Variants in ZFAT observed in about 807,000 individuals in gnomAD.
The protein encoded by ZFAT is zinc finger protein ZFAT.
In ZFAT, 64 loss-of-function variants were observed where a neutral mutation model predicts 117.7. The observed-to-expected ratio is 0.54, with a 90% CI of 0.44 to 0.67. The LOEUF (loss-of-function observed/expected upper bound fraction) is 0.67. Ranked by LOEUF, ZFAT falls within the 30% of genes least tolerant of loss-of-function variation. The pLI is 0.00. For synonymous variants in ZFAT, 679 were observed against 615.0 expected (o/e 1.10, Z -1.54); for missense variants, 1,433 against 1,584.5 (o/e 0.90, Z 1.62).
At chr8:134,590,672 A>C (rs1041828262) in intron 7 of ZFAT, among the ~76,000 whole-genome samples, 7 of 147,854 alleles carry the variant, frequency 4.7e-5, no homozygotes, top group African/African-American at 1.5e-4. Flanking sequence ...CACCACCACA[A>C]CCAACACCAC....
At chr8:134,600,726 T>G in intron 6 of ZFAT, 58 bp from the exon 7 acceptor site, 1 of 1,329,798 alleles carries the variant, frequency 7.5e-7, no homozygotes, top group South Asian at 1.6e-5. Context: ...ATTTTGAATT[T>G]TTTAAATTAT....
At chr8:134,592,022 T>C (rs1047368693) in intron 7 of ZFAT, among the ~76,000 whole-genome samples, 9 of 152,074 alleles carry the variant, frequency 5.9e-5, no homozygotes, top group African/African-American at 2.2e-4. Context: ...GATAGGTGAA[T>C]AAAAAGTAAA....
At chr8:134,633,375 T>C (rs1256921944) in intron 3 of ZFAT, among the ~76,000 whole-genome samples, 2 of 152,246 alleles carry the variant, frequency 1.3e-5, no homozygotes, top group Non-Finnish European at 2.9e-5. Flanking sequence ...TCATTATTAG[T>C]CATTTAAGAT....
At chr8:134,680,772 C>T (rs1036263465) in intron 1 of ZFAT, among the ~76,000 whole-genome samples, 2 of 152,090 alleles carry the variant, frequency 1.3e-5, no homozygotes, top group African/African-American at 2.4e-5. Flanking sequence ...ATAATACTAA[C>T]GTACCTGATG....
intron 14 of ZFAT, chr8:134,510,203 TG>T (rs1319259102): frequency 6.6e-6 from 3 of 451,814 alleles, no homozygotes; most frequent in South Asian, 4.7e-5. Flanking sequence ...CATCCAAAGA[TG>T]TATCAATTAT....
At chr8:134,631,353 C>T (rs146515996) in intron 3 of ZFAT, among the ~76,000 whole-genome samples, 1 of 152,272 alleles carries the variant, frequency 6.6e-6, no homozygotes, top group African/African-American at 2.4e-5. Context: ...TGGAGAAAAT[C>T]TCCATCCATG....
chr8:134,546,049 T>C (rs1041906913), intron 11 of ZFAT, among the ~76,000 whole-genome samples: 1 of 152,206 alleles, frequency 6.6e-6, no homozygotes, highest in Non-Finnish European at 1.5e-5. Flanking sequence ...TGGTAGTTAT[T>C]ACTAACATTA....
chr8:134,719,842 C>T, the ZFAT span, among the ~76,000 whole-genome samples: 21 of 152,236 alleles, frequency 1.4e-4, no homozygotes, highest in Admixed American at 1.2e-3. Context: ...CTCTTTCAGC[C>T]GTTTTTGGAA....
At chr8:134,652,623 C>G (rs2131178869) in intron 2 of ZFAT, among the ~76,000 whole-genome samples, 1 of 152,224 alleles carries the variant, frequency 6.6e-6, no homozygotes, top group South Asian at 2.1e-4. Context: ...ACATAGACAA[C>G]TGATATGAAC....
chr8:134,484,551 T>G (rs1484722429), intron 15 of ZFAT, among the ~76,000 whole-genome samples: 1 of 152,140 alleles, frequency 6.6e-6, no homozygotes, highest in East Asian at 1.9e-4. Flanking sequence ...CACCTTATTC[T>G]ATGGAAGGGA....
At chr8:134,490,937 C>A (rs73355762) in intron 15 of ZFAT, among the ~76,000 whole-genome samples, 1 of 152,290 alleles carries the variant, frequency 6.6e-6, no homozygotes, top group Middle Eastern at 3.4e-3. Flanking sequence ...TCCTCCACCA[C>A]GCCTGAAGCC....
chr8:134,569,853 CA>C (rs1554647215), intron 10 of ZFAT, among the ~76,000 whole-genome samples: 1 of 152,174 alleles, frequency 6.6e-6, no homozygotes. Context: ...ATACCTAAAA[CA>C]AAAAGCATAA....
chr8:134,743,204 A>T, the ZFAT span, among the ~76,000 whole-genome samples: 16 of 152,266 alleles, frequency 1.1e-4, no homozygotes, highest in Admixed American at 7.2e-4. Flanking sequence ...ATTAAGGAAA[A>T]TGTGCCAGGT....
In ZFAT at chr8:134,622,678, C is replaced by A. The variant is rs1161975223; in HGVS notation, c.449-12023G>T. 3.9e-5 allele frequency among the ~76,000 whole-genome samples: 6 copies of A among 152,136 alleles called. No individual in the cohort carries two copies. In the East Asian group the frequency reaches 1.2e-3, roughly 29 times the overall value. ...GCTCCCAAGGCTGACCAGTAAGGAC[C>A]ACACAATGGGCCCTACTGCTCTCTG... is the stretch of plus-strand genomic sequence containing the variant. On this transcript the variant is annotated intron_variant, in intron 3 of 15. Coordinates refer to ENST00000377838, the MANE Select transcript of ZFAT (RefSeq NM_020863.4).
Position 134,575,770 on chromosome 8 carries a change from A to G in ZFAT, c.2887+8062T>C, listed in dbSNP as rs553215445. On this transcript the variant is annotated intron_variant, in intron 10 of 15. Transcript: ENST00000377838. ...ACACAGAGGTTTGCTGCTTCATGTA[A>G]GAAAAGCGTCCTGCAGGAAGCATAA... 2.7e-4 allele frequency among the ~76,000 whole-genome samples: 41 copies of G among 152,336 alleles called. 1 individual carries two copies. In the South Asian group the frequency reaches 3.9e-3, roughly 15 times the overall value.
intron 15 of ZFAT, among the ~76,000 whole-genome samples, chr8:134,490,615 C>T (rs550986323): frequency 1.2e-4 from 19 of 152,236 alleles, no homozygotes; most frequent in Non-Finnish European, 2.5e-4. Context: ...CTACGGAATA[C>T]AGCGGGCTGC....
chr8:134,518,714 GCT>G (rs1459273846), intron 13 of ZFAT, among the ~76,000 whole-genome samples: 1 of 151,140 alleles, frequency 6.6e-6, no homozygotes, highest in Admixed American at 6.6e-5. Flanking sequence ...TTATTTATGA[GCT>G]CTCAGTTTAT....
At chr8:134,501,615 G>C (rs560349777) in intron 15 of ZFAT, among the ~76,000 whole-genome samples, 1 of 152,252 alleles carries the variant, frequency 6.6e-6, no homozygotes, top group African/African-American at 2.4e-5. Flanking sequence ...GTCTGCTATT[G>C]TAATGTACCA....
chr8:134,668,749 C>A (rs146221413), intron 1 of ZFAT, among the ~76,000 whole-genome samples: 2 of 152,180 alleles, frequency 1.3e-5, no homozygotes, highest in Non-Finnish European at 1.5e-5. Context: ...CAAAGCTGGA[C>A]GGAGAATGAC....
Sources: gnomAD v4.1 joint callset for allele counts (sites outside exome capture counted in the v4.1 genomes callset) on GRCh38, gnomAD v4.1.1 for gene constraint, MANE v1.5 for transcripts, NCBI Gene and HGNC (gene_info 2026-07-23, HGNC 2026-07-21) for gene names.